The following PDE9A variants were observed in gnomAD, a reference collection of about 807,000 sequenced individuals.
The protein encoded by PDE9A is high affinity cGMP-specific 3',5'-cyclic phosphodiesterase 9A.
PDE9A carries 60 observed loss-of-function variants against 87.4 expected under a neutral mutation model. The observed-to-expected ratio is 0.69, with a 90% CI of 0.56 to 0.85. The LOEUF is 0.85. PDE9A is among the 40% of genes least tolerant of loss of function. The pLI is 0.00. For missense variants in PDE9A, 665 were observed against 779.0 expected (o/e 0.85, Z 1.74); for synonymous variants, 272 against 279.4 (o/e 0.97, Z 0.27).
At chr21:42,669,859 C>T (rs891660593) in intron 1 of PDE9A, among the ~76,000 whole-genome samples, 1 of 152,176 alleles carries the variant, frequency 6.6e-6, no homozygotes, top group Admixed American at 6.5e-5. Flanking sequence ...AGGGACAGAG[C>T]TGGAATTGAG....
chr21:42,758,782 C>T (rs1397156855), intron 10 of PDE9A: 3 of 524,466 alleles, frequency 5.7e-6, no homozygotes, highest in Non-Finnish European at 1.0e-5. Context: ...CTCTCAAACC[C>T]CCACCCATCT....
chr21:42,689,046 C>T (rs908687966), intron 3 of PDE9A, among the ~76,000 whole-genome samples: 4 of 150,660 alleles, frequency 2.7e-5, no homozygotes, highest in Non-Finnish European at 4.4e-5. Flanking sequence ...GCGAGGTCCC[C>T]GTGGGTGTGG....
At chr21:42,770,613 C>T (rs372564222) in intron 17 of PDE9A, 90 bp from the exon 18 acceptor site, 30 of 969,484 alleles carry the variant, frequency 3.1e-5, no homozygotes, top group Middle Eastern at 4.2e-4. Context: ...CAGAGGTTTC[C>T]GCACGGAGCA....
Position 42,688,002 on chromosome 21 carries a change from G to A in PDE9A, c.218+8G>A. Reference sequence around the variant, plus strand: ...GCCCGCGAATTCAGAACGGTAAGAGGCTCCGGCCGCGCTCCTCGGGGTGTG... The same window carrying A: ...GCCCGCGAATTCAGAACGGTAAGAGACTCCGGCCGCGCTCCTCGGGGTGTG... On this transcript the variant is annotated splice_region_variant and intron_variant, in intron 3 of 19. Transcript: ENST00000291539. 1 of 1,610,106 alleles carries A rather than the reference G, an allele frequency of 6.2e-7. No individual in the cohort carries two copies.
chr21:42,736,405 T>C (rs548878587), intron 7 of PDE9A, among the ~76,000 whole-genome samples: 1 of 152,278 alleles, frequency 6.6e-6, no homozygotes, highest in South Asian at 2.1e-4. Flanking sequence ...CCCTAGCCTG[T>C]TCTGGCTGCG....
At chr21:42,656,667 A>T (rs1203186710) in intron 1 of PDE9A, among the ~76,000 whole-genome samples, 11 of 152,226 alleles carry the variant, frequency 7.2e-5, no homozygotes, top group Non-Finnish European at 1.5e-4. Context: ...ACACAGTGGG[A>T]GTCAGCAACA....
rs1380228032 is a variant in PDE9A at position 42,696,286 on chromosome 21, CTG to C, written c.219-2677_219-2676del. Among the ~76,000 whole-genome samples the C allele has an allele frequency of 1.3e-5, 2 of 152,210 alleles. No individual in the cohort carries two copies. Among genetic ancestry groups the C allele is most frequent in the African/African-American group, 2.4e-5 (1 of 41,450 alleles). On this transcript the variant is annotated intron_variant, in intron 3 of 19. Coordinates refer to ENST00000291539, the MANE Select transcript of PDE9A (RefSeq NM_002606.3). This position sits in a 1 kb window ranked among gnomAD's most constrained non-coding sequence, Gnocchi z 5.1. ...CTCTCTGGCTCTGTCCCCGCCGGCA[CTG>C]TGTGGGATCCATGCTGTTCTCCCTC...
intron 7 of PDE9A, among the ~76,000 whole-genome samples, chr21:42,743,198 G>T (rs927116607): frequency 2.0e-5 from 3 of 152,202 alleles, no homozygotes; most frequent in Admixed American, 6.5e-5. Context: ...CCAGGAATGT[G>T]ATCAAGTCCA....
chr21:42,714,553 ATATGGTTGGGGTTAG>A (rs1192456404), intron 4 of PDE9A, among the ~76,000 whole-genome samples: 3 of 147,998 alleles, frequency 2.0e-5, no homozygotes, highest in African/African-American at 5.1e-5. Flanking sequence ...GTCTTTGTCG[ATATGGTTGGGGTTAG>A]CTCTACCAGT....
At chr21:42,736,796 T>C (rs1175121337) in intron 7 of PDE9A, among the ~76,000 whole-genome samples, 2 of 152,192 alleles carry the variant, frequency 1.3e-5, no homozygotes, top group African/African-American at 2.4e-5. Context: ...GAGGCAGCCA[T>C]GTCCAGACAG....
chr21:42,730,934 T>C (rs1376313903), intron 4 of PDE9A, among the ~76,000 whole-genome samples: 1 of 152,084 alleles, frequency 6.6e-6, no homozygotes, highest in Non-Finnish European at 1.5e-5. Flanking sequence ...AAATTTTTTG[T>C]TTGTTTGGGC....
At chr21:42,670,753 TCA>T (rs79820515) in intron 1 of PDE9A, among the ~76,000 whole-genome samples, 29,455 of 150,872 alleles carry the variant, frequency 0.2, 3,023 homozygotes, top group East Asian at 0.38. Context: ...ACACATACAC[TCA>T]CATTCACACG....
At chr21:42,685,467 CTTT>C (rs765252066) in intron 1 of PDE9A, among the ~76,000 whole-genome samples, 1 of 115,936 alleles carries the variant, frequency 8.6e-6, no homozygotes, top group African/African-American at 3.6e-5. Context: ...GAAAGGCAGT[CTTT>C]TTTTTTTTTT....
chr21:42,772,612 T>G, intron 19 of PDE9A, 92 bp downstream of exon 19: 4 of 889,350 alleles, frequency 4.5e-6, no homozygotes, highest in Non-Finnish European at 7.1e-6. Context: ...AATCTGAATT[T>G]TGGAATACCT....
Position 42,688,019 on chromosome 21 carries a change from C to T in PDE9A, c.218+25C>T, listed in dbSNP as rs759375074. The stretch of plus-strand genomic sequence containing the variant: ...GGTAAGAGGCTCCGGCCGCGCTCCT[C>T]GGGGTGTGCCTGGCACTTCTCTCCA... On this transcript the variant is annotated intron_variant, in intron 3 of 19. Coordinates refer to ENST00000291539, the MANE Select transcript of PDE9A (RefSeq NM_002606.3). 255 of 1,588,638 alleles carry T rather than the reference C, an allele frequency of 1.6e-4. 1 individual carries two copies. The highest frequency in any genetic ancestry group is 2.2e-4 in the Non-Finnish European group (254 of 1,160,532).
chr21:42,731,502 A>G (rs1366550623), intron 4 of PDE9A, among the ~76,000 whole-genome samples: 2 of 152,122 alleles, frequency 1.3e-5, no homozygotes, highest in African/African-American at 2.4e-5. Flanking sequence ...GTCAGGAAAC[A>G]GGAAGACAAG....
chr21:42,763,272 A>T (rs2056012167), intron 14 of PDE9A, among the ~76,000 whole-genome samples: 4 of 152,206 alleles, frequency 2.6e-5, no homozygotes, highest in Admixed American at 2.0e-4. Context: ...CGTGAATGTG[A>T]TCTTATTTGG....
intron 4 of PDE9A, among the ~76,000 whole-genome samples, chr21:42,719,438 C>T (rs182686161): frequency 6.6e-6 from 1 of 151,560 alleles, no homozygotes; most frequent in East Asian, 1.9e-4. Context: ...AGTTTGAAAC[C>T]AGCCTGGCCA....
chr21:42,678,144 C>T lies in PDE9A; in HGVS notation c.70-8048C>T, dbSNP rs1156282212. Among the ~76,000 whole-genome samples the T allele has an allele frequency of 3.3e-5, 5 of 152,376 alleles. 1 individual carries two copies. The highest frequency in any genetic ancestry group is 1.2e-4 in the African/African-American group (5 of 41,582). ...AAAATGAACCAGGGTCTGCTCTTCC[C>T]TTCCGGGTGTGGAATCAACGGAAGC... On this transcript the variant is annotated intron_variant, in intron 1 of 19. Transcript: ENST00000291539.
Sources: gnomAD v4.1 joint callset for allele counts (sites outside exome capture counted in the v4.1 genomes callset) on GRCh38, gnomAD v4.1.1 for gene constraint, Gnocchi (gnomAD v3.1) non-coding constraint, MANE v1.5 for transcripts, NCBI Gene and HGNC (gene_info 2026-07-23, HGNC 2026-07-21) for gene names.